Variants in SCARF1 observed in about 807,000 individuals in gnomAD.
SCARF1 encodes scavenger receptor class F member 1.
In SCARF1, 49 loss-of-function variants were observed where a neutral mutation model predicts 76.3. The ratio of observed to expected loss-of-function variants is 0.64; its 90% confidence interval spans 0.51 to 0.81. SCARF1 has a LOEUF of 0.81. Ranked by LOEUF, SCARF1 falls within the 40% of genes least tolerant of loss-of-function variation. SCARF1 has a pLI of 0.00. For synonymous variants in SCARF1, 495 were observed against 474.6 expected, an observed-to-expected ratio of 1.04 and a Z score of -0.56; for missense variants, 1,098 against 1,143.9, an observed-to-expected ratio of 0.96 and a Z score of 0.58.
Position 1,643,604 on chromosome 17 carries a change from C to A in SCARF1, c.629G>T (p.Cys210Phe). ...PCEQDSGRCA[C>F]RPGWWGPECQ... Reference sequence around the variant, plus strand: ...TTCGGGACCCCACCAGCCCGGCCGGCAGGCGCAGCGGCCGGAGTCCTGCTC... The same window carrying A: ...TTCGGGACCCCACCAGCCCGGCCGGAAGGCGCAGCGGCCGGAGTCCTGCTC... Residue 210 changes from cysteine to phenylalanine, a missense_variant, in exon 4 of 11, where the codon TGC (cysteine) becomes TTC (phenylalanine). Cys to Phe is a radical substitution (Grantham distance 205). Transcript: ENST00000263071. 1 of 1,473,930 alleles carries A rather than the reference C, an allele frequency of 6.8e-7. No homozygotes were observed. The highest frequency in any genetic ancestry group is 8.9e-7 in the Non-Finnish European group (1 of 1,120,312). The allele number at this position is 1,473,930 out of a possible 1,614,324, so 91.3% of individuals were successfully genotyped here.
Position 1,643,647 on chromosome 17 carries a change from A to G in SCARF1, c.586T>C (p.Cys196Arg). The G allele has an allele frequency of 6.9e-7, 1 of 1,459,626 alleles. No individual in the cohort carries two copies. Among genetic ancestry groups the G allele is most frequent in the Admixed American group, 2.4e-5 (1 of 41,490 alleles). The allele number at this position is 1,459,626 out of a possible 1,614,324, so 90.4% of individuals were successfully genotyped here. ...TCCTGCTCGCACGGGGAGCCGTGGC[A>G]GTTGCAGCGGAAGCTGCAGCGGCGC... is the stretch of plus-strand genomic sequence containing the variant. ...WGRRCSFRCNCHGSPCEQDSG... is the reference protein window; with the variant it reads ...WGRRCSFRCNRHGSPCEQDSG... Residue 196 changes from cysteine to arginine, a missense_variant, in exon 4 of 11, where the codon TGC (cysteine) becomes CGC (arginine). Transcript: ENST00000263071.
In SCARF1 at chr17:1,635,263, G is replaced by A; in HGVS notation, c.1988C>T (p.Pro663Leu). 1.9e-6 allele frequency: 3 copies of A among 1,611,718 alleles called. No individual in the cohort carries two copies. Among genetic ancestry groups the A allele is most frequent in the Non-Finnish European group, 2.5e-6 (3 of 1,178,986 alleles). The change falls in exon 11 of 11, where the codon CCC becomes CTC. Residue 663 changes from proline (P) to leucine (L), a missense_variant. By Grantham distance (98) the Pro-to-Leu change is moderately conservative (BLOSUM62 -3). Transcript: ENST00000263071. ...PGDSATGHRRPPLGGRTVAEH... is the reference protein window; with the variant it reads ...PGDSATGHRRLPLGGRTVAEH... ...AGCCACTGTCCGGCCACCAAGTGGG[G>A]GCCGCCGGTGGCCAGTGGCTGAATC... is the stretch of plus-strand genomic sequence containing the variant.
At position 1,640,304 on chromosome 17, in the gene SCARF1, C is replaced by A; in HGVS notation, c.1010+144G>T. ...GCCCAGGCCCCCCCAGAACCCACTGCTCTCCCCCAGTCTTCAACAGGAGGG... is the reference window on the plus strand; with the variant it reads ...GCCCAGGCCCCCCCAGAACCCACTGATCTCCCCCAGTCTTCAACAGGAGGG... On this transcript the variant is annotated intron_variant, in intron 5 of 10. Coordinates refer to ENST00000263071, the MANE Select transcript of SCARF1 (RefSeq NM_003693.4). This position sits in a 1 kb window ranked among gnomAD's most constrained non-coding sequence, Gnocchi z 4.7. 1.2e-6 allele frequency: 1 copy of A among 853,284 alleles called. No individual in the cohort carries two copies. Among genetic ancestry groups the A allele is most frequent in the South Asian group, 1.8e-5 (1 of 56,510 alleles). The allele number at this position is 853,284 out of a possible 1,614,324, so 52.9% of individuals were successfully genotyped here.
chr17:1,639,935 G>A lies in SCARF1; in HGVS notation c.1116C>T (p.Cys372=). 6.2e-7 allele frequency: 1 copy of A among 1,613,946 alleles called. No homozygotes were observed. Among genetic ancestry groups the A allele is most frequent in the South Asian group, 1.1e-5 (1 of 91,084 alleles). The change falls in exon 6 of 11, where the codon TGC becomes TGT. Residue 372 remains cysteine (C), a synonymous_variant. Coordinates refer to ENST00000263071, the MANE Select transcript of SCARF1 (RefSeq NM_003693.4). ...SCDTVTGDCV[C]SAGYWGPSCN... is the part of the protein sequence containing the mutation. ...ACCTGGGCCCCCAGTAGCCGGCACT[G>A]CAGACACAGTCCCCTGTCACAGTAT...
Position 1,644,013 on chromosome 17 carries a change from G to A in SCARF1, c.266-46C>T. 3.1e-6 allele frequency: 4 copies of A among 1,274,516 alleles called. No individual in the cohort carries two copies. Among genetic ancestry groups the A allele is most frequent in the Non-Finnish European group, 4.0e-6 (4 of 1,005,510 alleles). 79.0% of individuals were successfully genotyped at this position (1,274,516 alleles called of 1,614,324 possible). Reference sequence around the variant, plus strand: ...GGGGTCAGCGGGCTCAGGGCCGCGCGCAGACCCTTACCCTGCGTCCCCTTC... The same window carrying A: ...GGGGTCAGCGGGCTCAGGGCCGCGCACAGACCCTTACCCTGCGTCCCCTTC... On this transcript the variant is annotated intron_variant, in intron 3 of 10. Transcript: ENST00000263071. The surrounding 1 kb of genome is among the most constrained non-coding windows in gnomAD (Gnocchi z 4.8).
Position 1,638,932 on chromosome 17 carries a change from G to C in SCARF1, c.1244-6C>G. 1.3e-6 allele frequency: 2 copies of C among 1,581,292 alleles called. No homozygotes were observed. Among genetic ancestry groups the C allele is most frequent in the South Asian group, 2.3e-5 (2 of 86,628 alleles). The stretch of plus-strand genomic sequence containing the variant: ...AGTGTCCCGACTGCCAGAGCCTGGG[G>C]GAGCCAGAAACGGGGGATATTCAGG... On this transcript the variant is annotated splice_region_variant and splice_polypyrimidine_tract_variant and intron_variant, in intron 7 of 10. Transcript: ENST00000263071.
chr17:1,641,526 T>C (rs1910047289), intron 4 of SCARF1, among the ~76,000 whole-genome samples: 1 of 152,218 alleles, frequency 6.6e-6, no homozygotes, highest in Non-Finnish European at 1.5e-5. Context: ...GAGACCACTG[T>C]TGTCACCAAT....
At chr17:1,636,442 G>A (rs952012898) in intron 10 of SCARF1, among the ~76,000 whole-genome samples, 3 of 152,028 alleles carry the variant, frequency 2.0e-5, no homozygotes, top group African/African-American at 4.8e-5. Flanking sequence ...GGTGAAACCC[G>A]GTCTCTACTA....
Position 1,643,920 on chromosome 17 carries a change from A to G in SCARF1, c.313T>C (p.Cys105Arg). The G allele has an allele frequency of 7.4e-7, 1 of 1,347,888 alleles. No homozygotes were observed. The highest frequency in any genetic ancestry group is 1.8e-5 in the South Asian group (1 of 54,558). The allele number at this position is 1,347,888 out of a possible 1,614,324, so 83.5% of individuals were successfully genotyped here. A position where few individuals can be genotyped will look rare whatever the true frequency, so the allele number is the denominator to read the frequency against. The part of the protein sequence containing the change: ...WGPDCRESCP[C>R]HPHGQCEPAT... Reference sequence around the variant, plus strand: ...GGCTCGCACTGGCCGTGCGGGTGGCAGGGGCAGCTCTCACGGCAGTCGGGG... The same window carrying G: ...GGCTCGCACTGGCCGTGCGGGTGGCGGGGGCAGCTCTCACGGCAGTCGGGG... The change falls in exon 4 of 11, where the codon TGC becomes CGC. Residue 105 changes from cysteine (C) to arginine (R), a missense_variant. Coordinates refer to ENST00000263071, the MANE Select transcript of SCARF1 (RefSeq NM_003693.4).
chr17:1,636,431 C>T (rs552621538), intron 10 of SCARF1, among the ~76,000 whole-genome samples: 3 of 152,068 alleles, frequency 2.0e-5, no homozygotes, highest in East Asian at 1.9e-4. Context: ...CTGGCTAACA[C>T]GGTGAAACCC....
rs1194687266 is a variant in SCARF1 at position 1,635,115 on chromosome 17, A to G, written c.2136T>C (p.Phe712=). 8.7e-6 allele frequency: 14 copies of G among 1,613,698 alleles called. No homozygotes were observed. Among genetic ancestry groups the G allele is most frequent in the African/African-American group, 1.3e-5 (1 of 74,942 alleles). ...EGPVRSVFRH[F]GSFQKGQAEA... ...CCGCCTGGCCTTTCTGGAAGCTACC[A>G]AAATGGCGGAAGACAGAGCGGACAG... Residue 712 remains phenylalanine, a synonymous_variant, in exon 11 of 11, where the codon TTT becomes TTC. Coordinates refer to ENST00000263071, the MANE Select transcript of SCARF1 (RefSeq NM_003693.4).
chr17:1,638,534 G>A (rs1169716074), intron 8 of SCARF1: 4 of 298,476 alleles, frequency 1.3e-5, no homozygotes, highest in Non-Finnish European at 1.8e-5. Flanking sequence ...GAGGAGGGCA[G>A]GCAGCTGACC....
At chr17:1,637,633 C>T (rs1338657755) in intron 8 of SCARF1, among the ~76,000 whole-genome samples, 5 of 152,048 alleles carry the variant, frequency 3.3e-5, no homozygotes, top group African/African-American at 7.2e-5. Context: ...CCACCACACC[C>T]GGCTAATTTT....
rs765904426 is a variant in SCARF1, at chr17:1,640,702, T to TG, written c.792-37dup. ...AAGGGCTTCGTGGGAACAGTGGGGG[T>TG]GGATGGATGGAGCGCCCACCCCCTC... On this transcript the variant is annotated intron_variant, in intron 4 of 10. Transcript: ENST00000263071. The surrounding 1 kb of genome is among the most constrained non-coding windows in gnomAD (Gnocchi z 4.7). The TG allele has an allele frequency of 1.2e-4, 193 of 1,576,590 alleles. No individual in the cohort carries two copies. Among genetic ancestry groups the TG allele is most frequent in the Non-Finnish European group, 1.6e-4 (185 of 1,154,750 alleles).
chr17:1,637,536 G>A (rs1397841084), intron 8 of SCARF1, among the ~76,000 whole-genome samples: 8 of 151,962 alleles, frequency 5.3e-5, no homozygotes, highest in African/African-American at 4.8e-5. Context: ...GCAGTGGTAC[G>A]ATCTTGGCTC....
Position 1,644,081 on chromosome 17 carries a change from G to A in SCARF1, c.266-114C>T, listed in dbSNP as rs1286249339. Reference sequence around the variant, plus strand: ...CTGGGCCCATCCTCCAAGAGCCGGGGACAGACCCTCAGAACATCCGGCAGC... The same window carrying A: ...CTGGGCCCATCCTCCAAGAGCCGGGAACAGACCCTCAGAACATCCGGCAGC... On this transcript the variant is annotated intron_variant, in intron 3 of 10. Coordinates refer to ENST00000263071, the MANE Select transcript of SCARF1 (RefSeq NM_003693.4). The surrounding 1 kb of genome is among the most constrained non-coding windows in gnomAD (Gnocchi z 4.8). 1 of 843,648 alleles carries A rather than the reference G, an allele frequency of 1.2e-6. No homozygotes were observed. The highest frequency in any genetic ancestry group is 1.8e-5 in the African/African-American group (1 of 56,712). The allele number at this position is 843,648 out of a possible 1,614,324, so 52.3% of individuals were successfully genotyped here. A position where few individuals can be genotyped will look rare whatever the true frequency, so the allele number is the denominator to read the frequency against.
In SCARF1 at chr17:1,640,569, A is replaced by C. The variant is rs1430305497; in HGVS notation, c.889T>G (p.Cys297Gly). Residue 297 changes from cysteine to glycine, a missense_variant, in exon 5 of 11, where the codon TGC becomes GGC. Cys to Gly is a radical substitution (Grantham distance 159). Transcript: ENST00000263071. The surrounding 1 kb of genome is among the most constrained non-coding windows in gnomAD (Gnocchi z 4.7). ...GWNGTQCQQP[C>G]LPGTFGESCE... ...CTCTCGCCAAAGGTGCCAGGCAGGCAGGGCTGCTGGCACTGGGTCCCGTTC... is the reference window on the plus strand; with the variant it reads ...CTCTCGCCAAAGGTGCCAGGCAGGCCGGGCTGCTGGCACTGGGTCCCGTTC... The C allele has an allele frequency of 6.2e-7, 1 of 1,611,168 alleles. No homozygotes were observed. Among genetic ancestry groups the C allele is most frequent in the African/African-American group, 1.3e-5 (1 of 75,004 alleles).
At chr17:1,636,197 C>G (rs905670356) in intron 10 of SCARF1, among the ~76,000 whole-genome samples, 1 of 152,184 alleles carries the variant, frequency 6.6e-6, no homozygotes, top group Non-Finnish European at 1.5e-5. Flanking sequence ...TTGTATGTCC[C>G]CCATGGAAAC....
chr17:1,642,377 T>C (rs1008272339), intron 4 of SCARF1, among the ~76,000 whole-genome samples: 1 of 126,362 alleles, frequency 7.9e-6, no homozygotes, highest in Admixed American at 9.6e-5. Context: ...ATATTCCCCT[T>C]CCTGTGTCCA....
Sources: allele counts gnomAD v4.1 joint callset (sites outside exome capture counted in the v4.1 genomes callset), GRCh38; gene constraint gnomAD v4.1.1; non-coding constraint Gnocchi (gnomAD v3.1); transcripts MANE v1.5; gene names NCBI Gene and HGNC (gene_info 2026-07-23, HGNC 2026-07-21).